The following ATF7IP2 variants were observed in gnomAD, a reference collection of about 807,000 sequenced individuals.
ATF7IP2 encodes activating transcription factor 7-interacting protein 2.
Under a neutral mutation model 64.2 loss-of-function variants are expected in ATF7IP2, and 42 were observed. The observed-to-expected ratio is 0.65, with a 90% CI of 0.51 to 0.85. ATF7IP2 has a LOEUF of 0.85. Ranked by LOEUF, ATF7IP2 falls within the 40% of genes least tolerant of loss-of-function variation. The pLI, the probability that ATF7IP2 is intolerant of heterozygous loss-of-function variation, is 0.00. For synonymous variants in ATF7IP2, 308 were observed against 272.8 expected, an observed-to-expected ratio of 1.13 and a Z score of -1.27; for missense variants, 933 against 784.2, an observed-to-expected ratio of 1.19 and a Z score of -2.27.
chr16:10,473,926 G>A lies in ATF7IP2; in HGVS notation c.1486G>A (p.Val496Ile), dbSNP rs1158954009. Residue 496 changes from valine (V) to isoleucine (I), a missense_variant, in exon 12 of 14, where the codon GTA (valine) becomes ATA (isoleucine). Transcript: ENST00000562102. ...SNSPNAEVMAVQKKLDSIIDL... is the reference protein window; with the variant it reads ...SNSPNAEVMAIQKKLDSIIDL... ...TTTTTTTTTACAATTTTTTTAGGCT[G>A]TACAGAAGAAACTTGATTCTATAAT... is the stretch of plus-strand genomic sequence containing the variant. 2.4e-6 allele frequency: 3 copies of A among 1,257,854 alleles called. No individual in the cohort carries two copies. The highest frequency in any genetic ancestry group is 2.9e-5 in the South Asian group (2 of 67,814). The allele number at this position is 1,257,854 out of a possible 1,614,324, so 77.9% of individuals were successfully genotyped here. A position where few individuals can be genotyped will look rare whatever the true frequency, so the allele number is the denominator to read the frequency against.
intron 9 of ATF7IP2, among the ~76,000 whole-genome samples, chr16:10,459,473 G>GAAA (rs377627260): frequency 2.4e-5 from 2 of 83,952 alleles, no homozygotes; most frequent in Non-Finnish European, 5.1e-5. Flanking sequence ...ATCTCAAAAA[G>GAAA]AAAAAAAAAA....
At chr16:10,449,499 T>C (rs1227858403) in intron 8 of ATF7IP2, 2 of 152,250 alleles carry the variant, frequency 1.3e-5, no homozygotes, top group East Asian at 3.8e-4. Context: ...TATTGGTCTT[T>C]TCAGGAATTC....
chr16:10,454,760 A>C (rs2049112596), intron 8 of ATF7IP2, among the ~76,000 whole-genome samples: 1 of 152,186 alleles, frequency 6.6e-6, no homozygotes, highest in Non-Finnish European at 1.5e-5. Context: ...CAAATATTAT[A>C]ATCTTTGATA....
chr16:10,405,195 T>C (rs1250567386), intron 1 of ATF7IP2, among the ~76,000 whole-genome samples: 1 of 151,216 alleles, frequency 6.6e-6, no homozygotes, highest in East Asian at 1.9e-4. Flanking sequence ...AAACCCGGTC[T>C]CTACTAAAAA....
At chr16:10,397,389 T>A (rs1004702227) in intron 1 of ATF7IP2, among the ~76,000 whole-genome samples, 4 of 152,248 alleles carry the variant, frequency 2.6e-5, no homozygotes, top group African/African-American at 9.6e-5. Context: ...GGAATTGTTA[T>A]AGGGATTGCA....
intron 9 of ATF7IP2, among the ~76,000 whole-genome samples, chr16:10,466,991 C>A (rs2049598036): frequency 6.6e-6 from 1 of 151,110 alleles, no homozygotes; most frequent in South Asian, 2.1e-4. Context: ...TTGATAGTTT[C>A]TGAAAAATTG....
chr16:10,431,575 T>C (rs2048257318), intron 5 of ATF7IP2, 120 bp downstream of exon 5: 1 of 642,704 alleles, frequency 1.6e-6, no homozygotes, highest in African/African-American at 1.8e-5. Flanking sequence ...ATGACAATTA[T>C]TTCACAGTAT....
intron 9 of ATF7IP2, among the ~76,000 whole-genome samples, chr16:10,463,597 G>C (rs2049446922): frequency 6.6e-6 from 1 of 152,036 alleles, no homozygotes; most frequent in Admixed American, 6.6e-5. Context: ...CCCCAGCCCT[G>C]GTCAGACCTT....
At chr16:10,398,307 A>C (rs567336628) in intron 1 of ATF7IP2, among the ~76,000 whole-genome samples, 1 of 147,798 alleles carries the variant, frequency 6.8e-6, no homozygotes, top group East Asian at 1.9e-4. Flanking sequence ...CCATCTCAAA[A>C]AAAAAAAAAT....
In ATF7IP2 at chr16:10,473,534, G is replaced by A; in HGVS notation, c.1482G>A (p.Met494Ile). 3.2e-6 allele frequency: 5 copies of A among 1,549,354 alleles called. No homozygotes were observed. The highest frequency in any genetic ancestry group is 2.3e-5 in the South Asian group (2 of 86,752). ...GCAATTCTCCCAATGCTGAAGTTATGGTGAGTAATAAATATTGACTCTGAA... is the reference window on the plus strand; with the variant it reads ...GCAATTCTCCCAATGCTGAAGTTATAGTGAGTAATAAATATTGACTCTGAA... ...NSSNSPNAEV[M>I]AVQKKLDSII... Residue 494 changes from methionine to isoleucine, a missense_variant and splice_region_variant, in exon 11 of 14, where the codon ATG (methionine) becomes ATA (isoleucine). Met to Ile is a conservative substitution (Grantham distance 10). Transcript: ENST00000562102.
intron 8 of ATF7IP2, among the ~76,000 whole-genome samples, chr16:10,450,485 T>C (rs149608338): frequency 2.5e-3 from 385 of 152,378 alleles, no homozygotes; most frequent in African/African-American, 8.2e-3. Flanking sequence ...ACTTGCTTTA[T>C]GAATCTGGGT....
At chr16:10,390,799 AAGAG>A (rs1424816497) in intron 1 of ATF7IP2, among the ~76,000 whole-genome samples, 15 of 152,246 alleles carry the variant, frequency 9.9e-5, no homozygotes, top group South Asian at 6.2e-4. Flanking sequence ...GAAAAGGAAA[AAGAG>A]AGACTGAAAA....
At chr16:10,396,208 G>C (rs74007081) in intron 1 of ATF7IP2, among the ~76,000 whole-genome samples, 4,870 of 152,162 alleles carry the variant, frequency 0.032, 116 homozygotes, top group South Asian at 0.075. Flanking sequence ...AGAATGTTGA[G>C]AGAAATTAAA....
Position 10,430,616 on chromosome 16 carries a change from G to T in ATF7IP2, c.-5G>T. 6.3e-7 allele frequency: 1 copy of T among 1,595,818 alleles called. No individual in the cohort carries two copies. Among genetic ancestry groups the T allele is most frequent in the South Asian group, 1.1e-5 (1 of 89,700 alleles). The stretch of plus-strand genomic sequence containing the variant: ...TATGATGTCTTAAATTCCAGGATAT[G>T]AAAGATGGCAAGTCCAGATAGAAGT... On this transcript the variant is annotated 5_prime_UTR_variant, in exon 5 of 14. An upstream start codon of the reference 5' UTR is lost. Transcript: ENST00000562102.
intron 8 of ATF7IP2, chr16:10,449,179 T>C (rs1400291650): frequency 2.0e-5 from 3 of 152,210 alleles, no homozygotes; most frequent in South Asian, 4.1e-4. Flanking sequence ...CCGTGGTGGA[T>C]AAGCTTTTTG....
intron 6 of ATF7IP2, among the ~76,000 whole-genome samples, chr16:10,434,246 G>C (rs2048346924): frequency 6.6e-6 from 1 of 152,168 alleles, no homozygotes; most frequent in Non-Finnish European, 1.5e-5. Flanking sequence ...GTATGCGTTT[G>C]ATCAATTGTT....
chr16:10,463,444 T>C (rs1311362680), intron 9 of ATF7IP2, among the ~76,000 whole-genome samples: 1 of 152,250 alleles, frequency 6.6e-6, no homozygotes, highest in Non-Finnish European at 1.5e-5. Flanking sequence ...TAAAAGACAT[T>C]AGCTTCCTTG....
At chr16:10,390,889 A>G (rs2047308396) in intron 1 of ATF7IP2, among the ~76,000 whole-genome samples, 1 of 152,210 alleles carries the variant, frequency 6.6e-6, no homozygotes, top group African/African-American at 2.4e-5. Context: ...AGGGTAGGGC[A>G]TTGTAGCTCA....
intron 1 of ATF7IP2, among the ~76,000 whole-genome samples, chr16:10,413,378 G>T (rs181363185): frequency 2.4e-4 from 37 of 152,144 alleles, no homozygotes; most frequent in African/African-American, 8.4e-4. Flanking sequence ...TTTTTCTCTT[G>T]CCACTGCCAT....
Sources: gnomAD v4.1 joint callset for allele counts (sites outside exome capture counted in the v4.1 genomes callset) on GRCh38, gnomAD v4.1.1 for gene constraint, MANE v1.5 for transcripts, NCBI Gene and HGNC (gene_info 2026-07-23, HGNC 2026-07-21) for gene names.